BCAS3: variants seen among roughly 807,000 people sequenced by gnomAD.
BCAS3 encodes the protein BCAS3 microtubule associated cell migration factor, also known as BCAS4/BCAS3 fusion.
In BCAS3, 53 loss-of-function variants were observed where a neutral mutation model predicts 116.1. The observed-to-expected ratio is 0.46, with a 90% confidence interval of 0.37 to 0.57. BCAS3 has a LOEUF of 0.57. Ranked by LOEUF, BCAS3 falls within the 20% of genes least tolerant of loss-of-function variation. BCAS3 has a pLI of 0.00. For synonymous variants in BCAS3, 391 were observed against 408.2 expected, an observed-to-expected ratio of 0.96 and a Z score of 0.51; for missense variants, 917 against 1,165.4, an observed-to-expected ratio of 0.79 and a Z score of 3.10.
chr17:60,705,200 A>G (rs548718482), intron 4 of BCAS3, among the ~76,000 whole-genome samples: 1 of 152,188 alleles, frequency 6.6e-6, no homozygotes, highest in South Asian at 2.1e-4. Flanking sequence ...GACTTACAGG[A>G]TTTACGATAG....
At chr17:60,737,655 G>C (rs971068469) in intron 5 of BCAS3, among the ~76,000 whole-genome samples, 2 of 151,850 alleles carry the variant, frequency 1.3e-5, no homozygotes, top group East Asian at 1.9e-4. Flanking sequence ...TTTGACCTAT[G>C]TGCTATTTAG....
At chr17:61,159,109 C>G (rs2078021611) in intron 22 of BCAS3, among the ~76,000 whole-genome samples, 1 of 152,100 alleles carries the variant, frequency 6.6e-6, no homozygotes, top group Admixed American at 6.6e-5. Flanking sequence ...CTAGGTTTTT[C>G]TTTTCTTTTT....
intron 1 of BCAS3, 148 bp from the exon 2 acceptor site, chr17:60,679,305 G>A: frequency 1.7e-6 from 1 of 572,532 alleles, no homozygotes; most frequent in Non-Finnish European, 3.1e-6. Context: ...TTCCCTTTCT[G>A]GTGTAACAGG....
At chr17:61,110,536 G>A (rs969070032) in intron 22 of BCAS3, among the ~76,000 whole-genome samples, 4 of 151,852 alleles carry the variant, frequency 2.6e-5, no homozygotes, top group Middle Eastern at 3.4e-3. Context: ...TTTTCGGACC[G>A]GCTTAAAAAA....
intron 16 of BCAS3, among the ~76,000 whole-genome samples, chr17:61,033,235 T>G (rs536384891): frequency 1.3e-5 from 2 of 152,172 alleles, no homozygotes; most frequent in Non-Finnish European, 2.9e-5. Flanking sequence ...ATCAGAATCA[T>G]CTGGAGGGTT....
chr17:61,191,386 T>C (rs576487188), intron 22 of BCAS3, among the ~76,000 whole-genome samples: 1 of 152,076 alleles, frequency 6.6e-6, no homozygotes, highest in African/African-American at 2.4e-5. Context: ...AAATTTAAGA[T>C]CCTCAAAAGG....
intron 22 of BCAS3, among the ~76,000 whole-genome samples, chr17:61,329,777 T>G (rs985876751): frequency 8.1e-6 from 1 of 124,126 alleles, no homozygotes; most frequent in African/African-American, 2.7e-5. Flanking sequence ...CCATCCTACG[T>G]TCGTCCTCGG....
intron 8 of BCAS3, among the ~76,000 whole-genome samples, chr17:60,873,047 C>T (rs1280160541): frequency 6.6e-6 from 1 of 152,042 alleles, no homozygotes; most frequent in African/African-American, 2.4e-5. Flanking sequence ...AACATGTAGG[C>T]AAGGTGGTCT....
chr17:60,886,160 C>T (rs2056617386), intron 9 of BCAS3, among the ~76,000 whole-genome samples: 1 of 143,600 alleles, frequency 7.0e-6, no homozygotes, highest in East Asian at 2.0e-4. Context: ...ATTCGTTTTT[C>T]TCTAAACTTC....
Position 61,349,165 on chromosome 17 carries a change from T to C in BCAS3, c.2426-19162T>C, listed in dbSNP as rs894046068. On this transcript the variant is annotated intron_variant, in intron 22 of 23. Coordinates refer to ENST00000407086, the MANE Select transcript of BCAS3 (RefSeq NM_017679.5). The surrounding 1 kb of genome is among the most constrained non-coding windows in gnomAD (Gnocchi z 4.7). ...ACCCTAGAATCACTGTGCTGGAATA[T>C]CCAGAAGGGCCTGAGAATTCATTTG... Among the ~76,000 whole-genome samples the C allele has an allele frequency of 6.6e-6, 1 of 152,156 alleles. No individual in the cohort carries two copies. The highest frequency in any genetic ancestry group is 2.4e-5 in the African/African-American group (1 of 41,422).
At position 61,282,122 on chromosome 17, in the gene BCAS3, G is replaced by A. The variant is rs1434164689; in HGVS notation, c.2426-86205G>A. 3.9e-5 allele frequency among the ~76,000 whole-genome samples: 6 copies of A among 152,280 alleles called. No homozygotes were observed. Among genetic ancestry groups the A allele is most frequent in the Middle Eastern group, 3.4e-3 (1 of 294 alleles). On this transcript the variant is annotated intron_variant, in intron 22 of 23. Transcript: ENST00000407086. The surrounding 1 kb of genome is among the most constrained non-coding windows in gnomAD (Gnocchi z 5.9). ...ATAAGATCAAGTGAATTTAATATAT[G>A]AGAAAGTCCTTTTTAAAGTATAAAG...
At chr17:60,680,106 C>T (rs1490810287) in intron 2 of BCAS3, among the ~76,000 whole-genome samples, 1 of 143,658 alleles carries the variant, frequency 7.0e-6, no homozygotes, top group Non-Finnish European at 1.5e-5. Context: ...TGCACCCTAG[C>T]CTGGGCGACA....
chr17:61,065,173 C>T lies in BCAS3; in HGVS notation c.2030-9747C>T, dbSNP rs140165210. ...TGAATCATTAAATCTCCAATTACTA[C>T]GATTTAAATATGTTTGTTGGATATT... On this transcript the variant is annotated intron_variant, in intron 19 of 23. Coordinates refer to ENST00000407086, the MANE Select transcript of BCAS3 (RefSeq NM_017679.5). This position sits in a 1 kb window ranked among gnomAD's most constrained non-coding sequence, Gnocchi z 4.8. Among the ~76,000 whole-genome samples the T allele has an allele frequency of 2.7e-4, 41 of 152,160 alleles. No homozygotes were observed. The highest frequency in any genetic ancestry group is 1.9e-3 in the East Asian group (10 of 5,190).
intron 7 of BCAS3, among the ~76,000 whole-genome samples, chr17:60,853,999 C>T (rs867110468): frequency 6.6e-6 from 1 of 152,046 alleles, no homozygotes; most frequent in Non-Finnish European, 1.5e-5. Context: ...GTGCTGCACC[C>T]ATTGACTCGT....
intron 14 of BCAS3, among the ~76,000 whole-genome samples, chr17:60,970,757 T>C (rs1034851633): frequency 6.6e-6 from 1 of 152,146 alleles, no homozygotes; most frequent in East Asian, 1.9e-4. Context: ...ATACATTAAA[T>C]AAAATCAGAA....
At chr17:61,014,615 A>G (rs1202780318) in intron 15 of BCAS3, among the ~76,000 whole-genome samples, 1 of 152,052 alleles carries the variant, frequency 6.6e-6, no homozygotes, top group Non-Finnish European at 1.5e-5. Flanking sequence ...TCAAATCAAC[A>G]TTGCACTGGA....
At position 61,314,510 on chromosome 17, in the gene BCAS3, C is replaced by T. The variant is rs2054575604; in HGVS notation, c.2426-53817C>T. 1.3e-5 allele frequency among the ~76,000 whole-genome samples: 2 copies of T among 152,240 alleles called. 1 individual carries two copies. The highest frequency in any genetic ancestry group is 4.1e-4 in the South Asian group (2 of 4,836). ...TGAGCTCTAAGCCTGCAACAGCCCTCCTAATGACTCTACAGTTCCTGGCTT... is the reference window on the plus strand; with the variant it reads ...TGAGCTCTAAGCCTGCAACAGCCCTTCTAATGACTCTACAGTTCCTGGCTT... On this transcript the variant is annotated intron_variant, in intron 22 of 23. Coordinates refer to ENST00000407086, the MANE Select transcript of BCAS3 (RefSeq NM_017679.5).
chr17:60,977,102 C>A (rs375809002), intron 14 of BCAS3, among the ~76,000 whole-genome samples: 4 of 151,768 alleles, frequency 2.6e-5, no homozygotes, highest in African/African-American at 9.7e-5. Flanking sequence ...GCTGGCCGGG[C>A]GGGGGCTGCC....
chr17:60,910,624 C>A lies in BCAS3; in HGVS notation c.915C>A (p.Ile305=). Residue 305 remains isoleucine (I), a synonymous_variant, in exon 12 of 24, where the codon ATC becomes ATA. Transcript: ENST00000407086. The part of the protein sequence containing the change: ...PSGVTEDDVA[I]HSNSRRSPLV... The stretch of plus-strand genomic sequence containing the variant: ...GTGTGACAGAAGATGATGTTGCCAT[C>A]CACAGTAATTCACGGCGGAGTCCTT... 6.2e-7 allele frequency: 1 copy of A among 1,613,640 alleles called. No homozygotes were observed. The highest frequency in any genetic ancestry group is 1.3e-5 in the African/African-American group (1 of 74,968).
Sources: allele counts gnomAD v4.1 joint callset (sites outside exome capture counted in the v4.1 genomes callset), GRCh38; gene constraint gnomAD v4.1.1; non-coding constraint Gnocchi (gnomAD v3.1); transcripts MANE v1.5; gene names NCBI Gene and HGNC (gene_info 2026-07-23, HGNC 2026-07-21).